Variants in RNF152 observed in about 807,000 individuals in gnomAD.
The protein encoded by RNF152 is ring finger protein 152.
In RNF152, 11 loss-of-function variants were observed where a neutral mutation model predicts 12.7. The observed-to-expected ratio is 0.86, with a 90% CI of 0.54 to 1.43. The LOEUF is 1.43. RNF152 is among the 40% of genes most tolerant of loss of function. The pLI is 0.00. For synonymous variants in RNF152, 113 were observed against 120.3 expected (o/e 0.94, Z 0.40); for missense variants, 255 against 274.8 (o/e 0.93, Z 0.51).
At chr18:61,863,254 GA>G (rs1568285027) in intron 1 of RNF152, among the ~76,000 whole-genome samples, 2 of 151,824 alleles carry the variant, frequency 1.3e-5, no homozygotes. Context: ...CTAACACAGT[GA>G]AATCCCATCT....
rs1015898441 is a variant in RNF152, at chr18:61,808,666, C to G, written c.*7186G>C. On this transcript the variant is annotated 3_prime_UTR_variant, in exon 2 of 2. Transcript: ENST00000312828. Reference sequence around the variant, plus strand: ...GACTGTTGAGTGAGGCAAACACAAACAAGTGGTGAAATGAAAAAATATATG... The same window carrying G: ...GACTGTTGAGTGAGGCAAACACAAAGAAGTGGTGAAATGAAAAAATATATG... 2 of 152,116 alleles carry G rather than the reference C, an allele frequency of 1.3e-5. No homozygotes were observed. The highest frequency in any genetic ancestry group is 1.9e-4 in the East Asian group (1 of 5,184). 9.4% of individuals were successfully genotyped at this position (152,116 alleles called of 1,614,324 possible). A position where few individuals can be genotyped will look rare whatever the true frequency, so the allele number is the denominator to read the frequency against.
intron 1 of RNF152, among the ~76,000 whole-genome samples, chr18:61,879,729 T>C (rs1364146284): frequency 6.6e-6 from 1 of 152,050 alleles, no homozygotes; most frequent in East Asian, 1.9e-4. Context: ...TTTGGGAGGC[T>C]GAGGCAGGCG....
Position 61,892,799 on chromosome 18 carries a change from A to C in RNF152, c.-140T>G, listed in dbSNP as rs1192480057. 3 of 152,210 alleles carry C rather than the reference A, an allele frequency of 2.0e-5. No individual in the cohort carries two copies. In the East Asian group the frequency reaches 5.8e-4, roughly 29 times the overall value. The allele number at this position is 152,210 out of a possible 1,614,324, so 9.4% of individuals were successfully genotyped here. On this transcript the variant is annotated 5_prime_UTR_variant, in exon 1 of 2. Coordinates refer to ENST00000312828, the MANE Select transcript of RNF152 (RefSeq NM_173557.3). The stretch of plus-strand genomic sequence containing the variant: ...ACCCAGATCGTGGGGGGTTACCTGT[A>C]TCTGTCACCGAGTCTCTTTCACCCC...
At chr18:61,868,718 A>G (rs1029498242) in intron 1 of RNF152, among the ~76,000 whole-genome samples, 2 of 152,100 alleles carry the variant, frequency 1.3e-5, no homozygotes, top group Non-Finnish European at 2.9e-5. Context: ...ATAAAAATAA[A>G]AAAAAATAAG....
intron 1 of RNF152, among the ~76,000 whole-genome samples, chr18:61,878,135 C>A (rs1477651064): frequency 6.6e-6 from 1 of 152,178 alleles, no homozygotes; most frequent in East Asian, 1.9e-4. Context: ...TGGTGAGAAC[C>A]AGTCACATGG....
chr18:61,818,313 C>T (rs1434450805), intron 1 of RNF152, among the ~76,000 whole-genome samples: 1 of 152,046 alleles, frequency 6.6e-6, no homozygotes, highest in Non-Finnish European at 1.5e-5. Flanking sequence ...GTCCCGGCTA[C>T]TCAGTAGGCT....
intron 1 of RNF152, among the ~76,000 whole-genome samples, chr18:61,859,078 A>G (rs1200169197): frequency 6.6e-6 from 1 of 152,168 alleles, no homozygotes; most frequent in African/African-American, 2.4e-5. Context: ...ACCCTGTATT[A>G]TAGACGAGGG....
intron 1 of RNF152, among the ~76,000 whole-genome samples, chr18:61,823,092 A>G (rs1458696856): frequency 6.6e-6 from 1 of 152,196 alleles, no homozygotes; most frequent in African/African-American, 2.4e-5. Context: ...GCAAAGAGCA[A>G]TCCTTCCAGG....
At chr18:61,822,236 T>C (rs1218006858) in intron 1 of RNF152, among the ~76,000 whole-genome samples, 2 of 152,096 alleles carry the variant, frequency 1.3e-5, no homozygotes, top group Non-Finnish European at 2.9e-5. Context: ...AAAAAATAGA[T>C]GGCTCCCAAG....
chr18:61,844,853 G>C (rs920121400), intron 1 of RNF152, among the ~76,000 whole-genome samples: 2 of 151,252 alleles, frequency 1.3e-5, no homozygotes, highest in Non-Finnish European at 2.9e-5. Context: ...TTAGATATTC[G>C]CAATGGCCTT....
intron 1 of RNF152, among the ~76,000 whole-genome samples, chr18:61,847,702 C>T (rs560269278): frequency 3.9e-5 from 6 of 152,240 alleles, no homozygotes; most frequent in South Asian, 2.1e-4. Flanking sequence ...TTCTCATAGG[C>T]GTCTCAAAGC....
chr18:61,881,905 G>C (rs191668460), intron 1 of RNF152, among the ~76,000 whole-genome samples: 1 of 152,280 alleles, frequency 6.6e-6, no homozygotes, highest in Admixed American at 6.5e-5. Context: ...AGTGTGGACT[G>C]CCTTGAGATG....
At chr18:61,845,428 C>G (rs1298514397) in intron 1 of RNF152, among the ~76,000 whole-genome samples, 2 of 152,246 alleles carry the variant, frequency 1.3e-5, no homozygotes, top group African/African-American at 4.8e-5. Context: ...GCAAACCACT[C>G]AGGCCGCCGC....
At chr18:61,841,442 T>C (rs2144671842) in intron 1 of RNF152, among the ~76,000 whole-genome samples, 1 of 152,368 alleles carries the variant, frequency 6.6e-6, no homozygotes. Flanking sequence ...TTTATACTCT[T>C]TATTTAAGAA....
intron 1 of RNF152, among the ~76,000 whole-genome samples, chr18:61,859,963 G>A (rs1210334091): frequency 6.6e-6 from 1 of 152,110 alleles, no homozygotes; most frequent in Non-Finnish European, 1.5e-5. Flanking sequence ...GGTCACTGCA[G>A]ATGTCATTAG....
intron 1 of RNF152, among the ~76,000 whole-genome samples, chr18:61,854,648 T>C (rs764894814): frequency 1.3e-5 from 2 of 152,170 alleles, no homozygotes; most frequent in Non-Finnish European, 2.9e-5. Flanking sequence ...AGGTAGTGAC[T>C]ACAATTTTCA....
chr18:61,877,267 A>G (rs1912255469), intron 1 of RNF152, among the ~76,000 whole-genome samples: 1 of 152,248 alleles, frequency 6.6e-6, no homozygotes. Flanking sequence ...GAATAAATTT[A>G]GAATGGTGCA....
intron 1 of RNF152, among the ~76,000 whole-genome samples, chr18:61,823,950 C>T (rs1288570217): frequency 6.6e-6 from 1 of 152,264 alleles, no homozygotes; most frequent in Non-Finnish European, 1.5e-5. Flanking sequence ...CGCTACAAAA[C>T]TCAACTAACC....
At chr18:61,823,721 G>A (rs1165664386) in intron 1 of RNF152, among the ~76,000 whole-genome samples, 1 of 152,234 alleles carries the variant, frequency 6.6e-6, no homozygotes, top group African/African-American at 2.4e-5. Context: ...GAATAATACT[G>A]GTTGAACCAG....
Sources: allele counts gnomAD v4.1 joint callset (sites outside exome capture counted in the v4.1 genomes callset), GRCh38; gene constraint gnomAD v4.1.1; transcripts MANE v1.5; gene names NCBI Gene and HGNC (gene_info 2026-07-23, HGNC 2026-07-21).